RBM5: variants seen among roughly 807,000 people sequenced by gnomAD.
The protein encoded by RBM5 is RNA-binding protein 5.
A neutral mutation model predicts 124.6 loss-of-function variants in RBM5; 15 were observed. That is an observed-to-expected ratio of 0.12 (90% CI 0.08 to 0.19). The LOEUF is 0.19. RBM5 is among the 10% of genes least tolerant of loss of function. The pLI, the probability that RBM5 is intolerant of heterozygous loss-of-function variation, is 1.00. For synonymous variants in RBM5, 337 were observed against 361.2 expected, an observed-to-expected ratio of 0.93 and a Z score of 0.76; for missense variants, 580 against 1,026.5, an observed-to-expected ratio of 0.57 and a Z score of 5.94.
chr3:50,109,788 T>A, intron 15 of RBM5, 100 bp downstream of exon 15: 1 of 822,886 alleles, frequency 1.2e-6, no homozygotes, highest in Non-Finnish European at 2.0e-6. Context: ...CAGGATTGAG[T>A]AATACACACT....
intron 14 of RBM5, among the ~76,000 whole-genome samples, chr3:50,108,570 G>A (rs1033871489): frequency 2.6e-5 from 4 of 152,174 alleles, no homozygotes; most frequent in African/African-American, 7.2e-5. Flanking sequence ...AGCCAGGTGC[G>A]GTGGCAGGCG....
Position 50,093,771 on chromosome 3 carries a change from G to A in RBM5, c.235G>A (p.Asp79Asn). Residue 79 changes from aspartate to asparagine, a missense_variant, in exon 4 of 25, where the codon GAT becomes AAT. Transcript: ENST00000347869. ...SDRSEDGYHSDGDYGEHDYRH... is the reference protein window; with the variant it reads ...SDRSEDGYHSNGDYGEHDYRH... Reference sequence around the variant, plus strand: ...CCGATCCGAAGATGGCTACCATTCAGATGGTGACTATGGTGAGCACGACTA... The same window carrying A: ...CCGATCCGAAGATGGCTACCATTCAAATGGTGACTATGGTGAGCACGACTA... 1.2e-6 allele frequency: 2 copies of A among 1,614,014 alleles called. No individual in the cohort carries two copies. Among genetic ancestry groups the A allele is most frequent in the Non-Finnish European group, 1.7e-6 (2 of 1,179,914 alleles).
At chr3:50,095,055 A>G (rs1254762927) in intron 4 of RBM5, among the ~76,000 whole-genome samples, 1 of 152,042 alleles carries the variant, frequency 6.6e-6, no homozygotes, top group East Asian at 1.9e-4. Flanking sequence ...AGAATTAGCT[A>G]GGTGTGGTGG....
At chr3:50,090,051 A>G (rs1364158704) in intron 1 of RBM5, 2 of 189,852 alleles carry the variant, frequency 1.1e-5, no homozygotes, top group Non-Finnish European at 1.1e-5. Context: ...TACAAAACCA[A>G]GGAGCTGATT....
chr3:50,091,912 A>C, intron 2 of RBM5, 131 bp from the exon 3 acceptor site: 2 of 955,374 alleles, frequency 2.1e-6, no homozygotes, highest in Non-Finnish European at 3.2e-6. Flanking sequence ...GAATTTGGTA[A>C]TACTTTTTAA....
chr3:50,110,886 C>A, intron 17 of RBM5, 116 bp downstream of exon 17: 2 of 810,206 alleles, frequency 2.5e-6, no homozygotes, highest in South Asian at 2.4e-5. Flanking sequence ...TTAGTTTTAA[C>A]TTCTTCAAAG....
chr3:50,106,924 T>C, intron 11 of RBM5, 60 bp downstream of exon 11: 1 of 1,346,590 alleles, frequency 7.4e-7, no homozygotes, highest in Non-Finnish European at 1.1e-6. Context: ...TACAGTGTGC[T>C]AACTGAACGC....
intron 4 of RBM5, among the ~76,000 whole-genome samples, chr3:50,097,787 A>G (rs1193274784): frequency 6.6e-6 from 1 of 152,144 alleles, no homozygotes; most frequent in Non-Finnish European, 1.5e-5. Flanking sequence ...TTTAACTGTA[A>G]GAAAAGTATG....
rs772517737 is a variant in RBM5 at position 50,117,366 on chromosome 3, C to T, written c.2309C>T (p.Thr770Met). 12 of 1,614,028 alleles carry T rather than the reference C, an allele frequency of 7.4e-6. No individual in the cohort carries two copies. The highest frequency in any genetic ancestry group is 2.2e-5 in the East Asian group (1 of 44,888). Reference protein sequence around the residue: ...SGLGRKCQGITAPIEAQVRLK... With the variant: ...SGLGRKCQGIMAPIEAQVRLK... ...TTGGGACGAAAGTGTCAAGGCATTA[C>T]GGCTCCCATTGAGGTAAGCAGTGGG... The change falls in exon 24 of 25, where the codon ACG becomes ATG. Residue 770 changes from threonine to methionine, a missense_variant. This residue lies in a region of RBM5 where 234 missense variants were observed against 435.1 expected (regional missense o/e 0.54). Transcript: ENST00000347869. The surrounding 1 kb of genome is among the most constrained non-coding windows in gnomAD (Gnocchi z 4.2).
Position 50,092,194 on chromosome 3 carries a change from TATG to T in RBM5, c.171_173del (p.Asp58del). The stretch of plus-strand genomic sequence containing the variant: ...TGATAGATATGATGACTACCGAGAC[TATG>T]ACAGTCCAGAGGTGAGTGACCAGCG... On this transcript the variant is annotated inframe_deletion, in exon 3 of 25. Coordinates refer to ENST00000347869, the MANE Select transcript of RBM5 (RefSeq NM_005778.4). The T allele has an allele frequency of 1.2e-6, 2 of 1,613,404 alleles. No homozygotes were observed. The highest frequency in any genetic ancestry group is 1.7e-6 in the Non-Finnish European group (2 of 1,179,940).
intron 8 of RBM5, 192 bp from the exon 9 acceptor site, chr3:50,104,885 T>C (rs2109003761): frequency 1.9e-6 from 1 of 521,426 alleles, no homozygotes; most frequent in African/African-American, 1.9e-5. Context: ...TCAGTCCCAC[T>C]GTGGCCCAAA....
At chr3:50,106,118 ATTTTTTTTTTTTTT>A (rs61297967) in intron 10 of RBM5, among the ~76,000 whole-genome samples, 54 of 32,760 alleles carry the variant, frequency 1.6e-3, no homozygotes, top group South Asian at 2.9e-3. Context: ...ACGCCCAGCT[ATTTTTTTTTTTTTT>A]TTTTTTTTTT....
At position 50,115,559 on chromosome 3, in the gene RBM5, G is replaced by A. The variant is rs760097229; in HGVS notation, c.1971G>A (p.Pro657=). ...GTCTGCTCTGCCGGCGCCAGTTCCC[G>A]AACAAAGATGCCCTAGTCAGGCACC... The part of the protein sequence containing the change: ...MACLLCRRQF[P]NKDALVRHQQ... The change falls in exon 21 of 25, where the codon CCG becomes CCA. Residue 657 remains proline (P), a synonymous_variant. Transcript: ENST00000347869. 9 of 1,613,424 alleles carry A rather than the reference G, an allele frequency of 5.6e-6. No individual in the cohort carries two copies. Among genetic ancestry groups the A allele is most frequent in the Admixed American group, 1.7e-5 (1 of 59,738 alleles).
Position 50,118,465 on chromosome 3 carries a change from G to GA in RBM5, c.*10dup. On this transcript the variant is annotated 3_prime_UTR_variant, in exon 25 of 25. Transcript: ENST00000347869. The stretch of plus-strand genomic sequence containing the variant: ...TCACTGAGATGGAGTGAGAGAGAGA[G>GA]AGAGAGAGAGATGACAAGGAGCACA... 1 of 1,612,544 alleles carries GA rather than the reference G, an allele frequency of 6.2e-7. No homozygotes were observed.
chr3:50,108,396 G>A, intron 14 of RBM5, 92 bp downstream of exon 14: 3 of 1,250,774 alleles, frequency 2.4e-6, no homozygotes, highest in Non-Finnish European at 3.5e-6. Context: ...AAAGCTACAA[G>A]TCCATTTCTC....
Position 50,100,878 on chromosome 3 carries a change from C to T in RBM5, c.483+273C>T. 1 of 342,908 alleles carries T rather than the reference C, an allele frequency of 2.9e-6. No individual in the cohort carries two copies. Among genetic ancestry groups the T allele is most frequent in the Non-Finnish European group, 5.3e-6 (1 of 189,948 alleles). The allele number at this position is 342,908 out of a possible 1,614,324, so 21.2% of individuals were successfully genotyped here. On this transcript the variant is annotated intron_variant, in intron 6 of 24. Coordinates refer to ENST00000347869, the MANE Select transcript of RBM5 (RefSeq NM_005778.4). The surrounding 1 kb of genome is among the most constrained non-coding windows in gnomAD (Gnocchi z 5.1). ...AATCACTAAAACATCTTAATGTTTCCCTTTTTTCTAGTTTGTTATATTCCT... is the reference window on the plus strand; with the variant it reads ...AATCACTAAAACATCTTAATGTTTCTCTTTTTTCTAGTTTGTTATATTCCT...
intron 17 of RBM5, among the ~76,000 whole-genome samples, chr3:50,111,607 T>C (rs1007871217): frequency 6.6e-6 from 1 of 152,064 alleles, no homozygotes; most frequent in Non-Finnish European, 1.5e-5. Context: ...ACTCCTGACC[T>C]TAAGTGATCC....
intron 17 of RBM5, chr3:50,112,080 T>TTC (rs2091154681): frequency 6.8e-6 from 1 of 147,884 alleles, no homozygotes; most frequent in African/African-American, 2.5e-5. Context: ...TTTTTTTTTT[T>TTC]TCCCGTCAGT....
intron 4 of RBM5, among the ~76,000 whole-genome samples, chr3:50,099,249 C>T (rs1227107034): frequency 7.0e-6 from 1 of 143,054 alleles, no homozygotes; most frequent in Non-Finnish European, 1.5e-5. Context: ...GAGCTAGGCC[C>T]TGTCTCAAAA....
Sources: gnomAD v4.1 joint callset for allele counts (sites outside exome capture counted in the v4.1 genomes callset) on GRCh38, gnomAD v4.1.1 for gene constraint, gnomAD v4.1.1 regional missense constraint, Gnocchi (gnomAD v3.1) non-coding constraint, MANE v1.5 for transcripts, NCBI Gene and HGNC (gene_info 2026-07-23, HGNC 2026-07-21) for gene names.